KAZN: variants seen among roughly 807,000 people sequenced by gnomAD.
KAZN encodes the protein kazrin.
In KAZN, 40 loss-of-function variants were observed where a neutral mutation model predicts 87.4. That is an observed-to-expected ratio of 0.46 (90% CI 0.36 to 0.60). The LOEUF (loss-of-function observed/expected upper bound fraction) is 0.60, where lower values mean the gene tolerates loss of function less well. Among genes scored for constraint, KAZN ranks in the 20% least tolerant of loss-of-function variants. The probability of loss-of-function intolerance (pLI) is 0.00; values close to 1 mark genes in which losing one functional copy is unlikely to be tolerated. For missense variants in KAZN, 898 were observed against 1,073.9 expected, an observed-to-expected ratio of 0.84 and a Z score of 2.29; for synonymous variants, 466 against 458.3, an observed-to-expected ratio of 1.02 and a Z score of -0.22.
At chr1:13,916,002 C>T (rs1216165956) in intron 1 of KAZN, among the ~76,000 whole-genome samples, 1 of 152,018 alleles carries the variant, frequency 6.6e-6, no homozygotes, top group Non-Finnish European at 1.5e-5. Context: ...GAAGCTGTGG[C>T]AGGGGTTGGG....
At chr1:15,082,519 T>G (rs953184298) in intron 8 of KAZN, among the ~76,000 whole-genome samples, 1 of 152,238 alleles carries the variant, frequency 6.6e-6, no homozygotes, top group African/African-American at 2.4e-5. Flanking sequence ...ATTAAAATGC[T>G]AGAGCACTAA....
At chr1:14,036,620 G>A (rs1387886356) in intron 1 of KAZN, among the ~76,000 whole-genome samples, 4 of 151,896 alleles carry the variant, frequency 2.6e-5, no homozygotes, top group African/African-American at 9.7e-5. Flanking sequence ...AGCTATGATT[G>A]CACCTGCACT....
intron 1 of KAZN, among the ~76,000 whole-genome samples, chr1:14,139,963 GTGTGTGGTATGTA>G (rs879344244): frequency 0.19 from 20,825 of 108,012 alleles, 1,537 homozygotes; most frequent in African/African-American, 0.31. Context: ...GTGTGTGTGT[GTGTGTGGTATGTA>G]TGTGTGTGTG....
intron 1 of KAZN, among the ~76,000 whole-genome samples, chr1:14,144,831 G>T (rs916052405): frequency 6.6e-6 from 1 of 152,062 alleles, no homozygotes; most frequent in Non-Finnish European, 1.5e-5. Flanking sequence ...TTAACAACCA[G>T]CACTCTTGCA....
intron 1 of KAZN, among the ~76,000 whole-genome samples, chr1:14,753,755 C>T (rs1047289677): frequency 3.9e-5 from 6 of 152,014 alleles, no homozygotes; most frequent in African/African-American, 1.5e-4. Context: ...TACATCTTTC[C>T]CTGCACTCAC....
At chr1:13,934,035 C>G (rs554026777) in intron 1 of KAZN, among the ~76,000 whole-genome samples, 1 of 152,174 alleles carries the variant, frequency 6.6e-6, no homozygotes, top group African/African-American at 2.4e-5. Context: ...AATACCTCCA[C>G]GCCTTTGAAT....
At chr1:14,613,415 A>G (rs1346558770) in intron 1 of KAZN, among the ~76,000 whole-genome samples, 2 of 152,312 alleles carry the variant, frequency 1.3e-5, no homozygotes, top group East Asian at 1.9e-4. Flanking sequence ...TTTAATCAAG[A>G]TGGCTATTCC....
At chr1:14,477,803 TG>T (rs1265040536) in intron 2 of KAZN, among the ~76,000 whole-genome samples, 2 of 152,212 alleles carry the variant, frequency 1.3e-5, no homozygotes, top group Non-Finnish European at 2.9e-5. Flanking sequence ...CCAGAGGAGC[TG>T]ACTCTCCCCA....
chr1:15,008,108 G>A (rs112097354), intron 2 of KAZN, among the ~76,000 whole-genome samples: 13 of 152,284 alleles, frequency 8.5e-5, no homozygotes, highest in African/African-American at 2.9e-4. Context: ...TCTTGAACTC[G>A]TGGCCTGCGG....
rs191923469 is a variant in KAZN at position 14,181,424 on chromosome 1, A to C, written c.249+832A>C. 8.9e-4 allele frequency among the ~76,000 whole-genome samples: 136 copies of C among 152,202 alleles called. 1 individual carries two copies. The highest frequency in any genetic ancestry group is 3.0e-3 in the African/African-American group (125 of 41,524). ...TCTTTCATTCCGCTCTGTAGCAGAG[A>C]TTTTGAACTGTGGTTTCTTTGCTTT... On this transcript the variant is annotated intron_variant, in intron 2 of 16. Coordinates refer to the KAZN transcript ENST00000636203.
At chr1:14,175,323 T>TTGATCTCC (rs1051555445) in intron 1 of KAZN, among the ~76,000 whole-genome samples, 1 of 152,238 alleles carries the variant, frequency 6.6e-6, no homozygotes, top group African/African-American at 2.4e-5. Flanking sequence ...CAGGATGGTC[T>TTGATCTCC]TGATCTCCTG....
At chr1:14,504,160 G>A (rs1224365074) in intron 2 of KAZN, among the ~76,000 whole-genome samples, 1 of 152,196 alleles carries the variant, frequency 6.6e-6, no homozygotes, top group Non-Finnish European at 1.5e-5. Flanking sequence ...AAGTATCACG[G>A]TTTGTGTTTG....
intron 1 of KAZN, among the ~76,000 whole-genome samples, chr1:14,828,317 G>T (rs1646956408): frequency 6.6e-6 from 1 of 152,188 alleles, no homozygotes; most frequent in African/African-American, 2.4e-5. Context: ...TCTGGAGATT[G>T]CATCTCAATT....
chr1:14,371,569 AAAG>A lies in KAZN; in HGVS notation c.249+190982_249+190984del, dbSNP rs371883805. ...AGTCCCTGGGAGAGGCTGAGTGTCT[AAAG>A]AAGAGAGTTTCTTGGTACCCTCTTG... On this transcript the variant is annotated intron_variant, in intron 2 of 16. Coordinates refer to the KAZN transcript ENST00000636203. Among the ~76,000 whole-genome samples, 1,423 of 152,294 alleles carry A rather than the reference AAAG, an allele frequency of 9.3e-3. 10 individuals carry two copies. The highest frequency in any genetic ancestry group is 0.015 in the Non-Finnish European group (991 of 68,016).
At chr1:14,198,610 TAAG>T (rs1019541418) in intron 2 of KAZN, among the ~76,000 whole-genome samples, 2 of 152,106 alleles carry the variant, frequency 1.3e-5, no homozygotes, top group Middle Eastern at 3.4e-3. Context: ...CAAATAATAA[TAAG>T]AAGAAGAAAT....
At position 14,249,464 on chromosome 1, in the gene KAZN, C is replaced by G. The variant is rs148371244; in HGVS notation, c.249+68872C>G. On this transcript the variant is annotated intron_variant, in intron 2 of 16. Coordinates refer to the KAZN transcript ENST00000636203. ...TATCGACCCACAAAATCAGGAAGTT[C>G]CAGGTGTGAATCTAGTACTACAAGA... Among the ~76,000 whole-genome samples the G allele has an allele frequency of 4.1e-3, 617 of 152,242 alleles. 4 individuals carry two copies. The highest frequency in any genetic ancestry group is 0.014 in the African/African-American group (589 of 41,520).
At chr1:15,074,232 T>A (rs1283105387) in intron 8 of KAZN, among the ~76,000 whole-genome samples, 1 of 152,250 alleles carries the variant, frequency 6.6e-6, no homozygotes, top group Non-Finnish European at 1.5e-5. Flanking sequence ...GCCACCGTGT[T>A]GGAGGGTCCC....
intron 1 of KAZN, among the ~76,000 whole-genome samples, chr1:14,002,239 C>T (rs1295132586): frequency 6.6e-6 from 1 of 152,126 alleles, no homozygotes. Flanking sequence ...GGCCAACAAA[C>T]ATATGAAAAA....
chr1:14,334,899 A>C (rs1657118901), intron 2 of KAZN, among the ~76,000 whole-genome samples: 1 of 152,066 alleles, frequency 6.6e-6, no homozygotes, highest in African/African-American at 2.4e-5. Context: ...AAAAATCCAC[A>C]AACTCAGAGA....
Sources: gnomAD v4.1 joint callset for allele counts (sites outside exome capture counted in the v4.1 genomes callset) on GRCh38, gnomAD v4.1.1 for gene constraint, MANE v1.5 for transcripts, NCBI Gene and HGNC (gene_info 2026-07-23, HGNC 2026-07-21) for gene names.